Variants in MSRA observed in about 807,000 individuals in gnomAD.
MSRA encodes methionine sulfoxide reductase A.
MSRA carries 54 observed loss-of-function variants against 31.3 expected under a neutral mutation model. The observed-to-expected ratio is 1.73, with a 90% confidence interval of 1.39 to 2.17. The LOEUF (loss-of-function observed/expected upper bound fraction) is 2.17, where lower values mean the gene tolerates loss of function less well. Ranked by LOEUF, MSRA falls within the 30% of genes most tolerant of loss-of-function variation. MSRA has a pLI of 0.00. For synonymous variants in MSRA, 169 were observed against 116.5 expected (o/e 1.45, Z -2.90); for missense variants, 507 against 300.9 (o/e 1.69, Z -5.07).
At chr8:10,218,478 C>T (rs1810200787) in intron 2 of MSRA, among the ~76,000 whole-genome samples, 1 of 152,084 alleles carries the variant, frequency 6.6e-6, no homozygotes, top group African/African-American at 2.4e-5. Context: ...GTTAGCATCC[C>T]CTTACTGATC....
intron 1 of MSRA, among the ~76,000 whole-genome samples, chr8:10,103,975 CAT>C (rs1799704700): frequency 6.6e-6 from 1 of 152,168 alleles, no homozygotes; most frequent in South Asian, 2.1e-4. Flanking sequence ...ATATATTTTA[CAT>C]GTTTAAAAAC....
At chr8:10,296,851 AC>A (rs994501722) in intron 3 of MSRA, among the ~76,000 whole-genome samples, 1 of 152,128 alleles carries the variant, frequency 6.6e-6, no homozygotes, top group African/African-American at 2.4e-5. Flanking sequence ...CAGGAGGCCA[AC>A]CCTGACAATC....
chr8:10,425,985 C>T (rs139412470), intron 5 of MSRA, among the ~76,000 whole-genome samples: 182 of 152,300 alleles, frequency 1.2e-3, no homozygotes, highest in African/African-American at 4.1e-3. Context: ...GCAGATGGCA[C>T]CCCCCACAGA....
chr8:10,273,246 T>C (rs1034439713), intron 3 of MSRA, among the ~76,000 whole-genome samples: 1 of 152,222 alleles, frequency 6.6e-6, no homozygotes. Context: ...TTCCAACTTA[T>C]TCTACCCTAC....
intron 1 of MSRA, among the ~76,000 whole-genome samples, chr8:10,136,945 C>G (rs905628249): frequency 9.9e-5 from 15 of 152,244 alleles, no homozygotes; most frequent in Non-Finnish European, 2.1e-4. Context: ...TCAAACACCT[C>G]TCTAGTCATT....
At chr8:10,295,009 C>G (rs1313473815) in intron 3 of MSRA, among the ~76,000 whole-genome samples, 2 of 152,186 alleles carry the variant, frequency 1.3e-5, no homozygotes, top group African/African-American at 2.4e-5. Context: ...ATGACTTGGA[C>G]AAGTCCAGCT....
At chr8:10,361,703 C>G (rs918135123) in intron 5 of MSRA, among the ~76,000 whole-genome samples, 1 of 152,178 alleles carries the variant, frequency 6.6e-6, no homozygotes, top group East Asian at 1.9e-4. Context: ...ACACAGAAAG[C>G]ACTTCTAATG....
At chr8:10,060,321 G>A (rs1284265119) in intron 1 of MSRA, among the ~76,000 whole-genome samples, 1 of 152,198 alleles carries the variant, frequency 6.6e-6, no homozygotes, top group Non-Finnish European at 1.5e-5. Flanking sequence ...TGGAGGGATT[G>A]CCAAGATGTA....
At chr8:10,158,546 T>C (rs1468865216) in intron 1 of MSRA, among the ~76,000 whole-genome samples, 3 of 152,258 alleles carry the variant, frequency 2.0e-5, no homozygotes, top group Non-Finnish European at 4.4e-5. Flanking sequence ...GCATCAGTGC[T>C]TCAGTCCCTT....
chr8:10,221,228 C>G (rs1368137137), intron 2 of MSRA, among the ~76,000 whole-genome samples: 1 of 152,174 alleles, frequency 6.6e-6, no homozygotes, highest in Admixed American at 6.5e-5. Context: ...GACCAGACAT[C>G]TGCACCAACT....
intron 1 of MSRA, among the ~76,000 whole-genome samples, chr8:10,111,448 A>C (rs1800273064): frequency 6.6e-6 from 1 of 152,160 alleles, no homozygotes; most frequent in Non-Finnish European, 1.5e-5. Context: ...AGGCAGATAA[A>C]ATAGATTCCC....
chr8:10,210,705 T>A (rs1283795537), intron 2 of MSRA, among the ~76,000 whole-genome samples: 1 of 152,060 alleles, frequency 6.6e-6, no homozygotes, highest in East Asian at 1.9e-4. Flanking sequence ...CTTCATATTT[T>A]GTGATAAAAT....
At chr8:10,240,482 C>T (rs1812314351) in intron 2 of MSRA, among the ~76,000 whole-genome samples, 1 of 152,220 alleles carries the variant, frequency 6.6e-6, no homozygotes, top group South Asian at 2.1e-4. Context: ...ATGAGTGCCT[C>T]TTTCATGGTA....
intron 2 of MSRA, among the ~76,000 whole-genome samples, chr8:10,209,633 T>A (rs1809301638): frequency 6.6e-6 from 1 of 152,228 alleles, no homozygotes; most frequent in South Asian, 2.1e-4. Context: ...GCCCTCATTG[T>A]TTCACTTTCA....
At chr8:10,394,004 A>G (rs981217720) in intron 5 of MSRA, among the ~76,000 whole-genome samples, 13 of 152,234 alleles carry the variant, frequency 8.5e-5, no homozygotes, top group Non-Finnish European at 1.3e-4. Context: ...GTGGCCAATT[A>G]GAGGGCAGAT....
intron 2 of MSRA, among the ~76,000 whole-genome samples, chr8:10,240,577 C>T (rs2129079226): frequency 6.6e-6 from 1 of 152,254 alleles, no homozygotes; most frequent in African/African-American, 2.4e-5. Flanking sequence ...TGTCTCTCTA[C>T]CCCAGATTTC....
At chr8:10,114,625 C>T (rs181409864) in intron 1 of MSRA, among the ~76,000 whole-genome samples, 17 of 152,160 alleles carry the variant, frequency 1.1e-4, no homozygotes, top group Middle Eastern at 3.4e-3. Flanking sequence ...CTAGAAGGCT[C>T]TATGGAAAAA....
chr8:10,105,496 G>C (rs1052691024), intron 1 of MSRA, among the ~76,000 whole-genome samples: 5 of 152,202 alleles, frequency 3.3e-5, no homozygotes, highest in African/African-American at 1.2e-4. Context: ...GAATTAAAGA[G>C]TATTGTGGAG....
In MSRA at chr8:10,428,517, G is replaced by T. The variant is rs1809342370; in HGVS notation, c.*205G>T. 2 of 564,170 alleles carry T rather than the reference G, an allele frequency of 3.5e-6. No homozygotes were observed. Among genetic ancestry groups the T allele is most frequent in the Non-Finnish European group, 6.2e-6 (2 of 324,084 alleles). 34.9% of individuals were successfully genotyped at this position (564,170 alleles called of 1,614,324 possible). On this transcript the variant is annotated 3_prime_UTR_variant, in exon 6 of 6. Coordinates refer to ENST00000317173, the MANE Select transcript of MSRA (RefSeq NM_012331.5). Reference sequence around the variant, plus strand: ...ACTTATCTCCTAATAAGTTATGGTGGGAGTGGAGCTGTGCAGTTTCCTGTG... The same window carrying T: ...ACTTATCTCCTAATAAGTTATGGTGTGAGTGGAGCTGTGCAGTTTCCTGTG...
Sources: gnomAD v4.1 joint callset for allele counts (sites outside exome capture counted in the v4.1 genomes callset) on GRCh38, gnomAD v4.1.1 for gene constraint, MANE v1.5 for transcripts, NCBI Gene and HGNC (gene_info 2026-07-23, HGNC 2026-07-21) for gene names.